SCAPER: variants seen among roughly 807,000 people sequenced by gnomAD.
SCAPER encodes S-phase cyclin A associated protein in the ER.
Under a neutral mutation model 182.2 loss-of-function variants are expected in SCAPER, and 98 were observed. The ratio of observed to expected loss-of-function variants is 0.54; its 90% CI spans 0.46 to 0.64. The LOEUF (loss-of-function observed/expected upper bound fraction) is 0.64. Ranked by LOEUF, SCAPER falls within the 30% of genes least tolerant of loss-of-function variation. The pLI is 0.00. For synonymous variants in SCAPER, 605 were observed against 564.6 expected (o/e 1.07, Z -1.01); for missense variants, 1,432 against 1,690.0 (o/e 0.85, Z 2.68).
intron 27 of SCAPER, 47 bp from the exon 28 acceptor site, chr15:76,381,662 GT>G: frequency 7.0e-7 from 1 of 1,423,906 alleles, no homozygotes. Context: ...CTTAATGGAT[GT>G]TAGCAATTTG....
At chr15:76,471,179 C>T (rs776653683) in intron 25 of SCAPER, 33 bp downstream of exon 25, 2 of 1,513,016 alleles carry the variant, frequency 1.3e-6, no homozygotes, top group Non-Finnish European at 8.9e-7. Flanking sequence ...CAAACCTTAA[C>T]TGCTTCTAAC....
chr15:76,875,877 G>A (rs1023525953), intron 2 of SCAPER, among the ~76,000 whole-genome samples: 2 of 152,210 alleles, frequency 1.3e-5, no homozygotes, highest in African/African-American at 2.4e-5. Flanking sequence ...AGAGCAGGGG[G>A]CGGCGCTGGT....
intron 5 of SCAPER, among the ~76,000 whole-genome samples, chr15:76,807,347 G>A (rs774258171): frequency 2.6e-5 from 4 of 152,038 alleles, no homozygotes; most frequent in Non-Finnish European, 5.9e-5. Context: ...ATTCTATTAT[G>A]TTTATTGATT....
intron 26 of SCAPER, among the ~76,000 whole-genome samples, chr15:76,425,558 C>T (rs774891426): frequency 1.3e-5 from 2 of 152,112 alleles, no homozygotes; most frequent in Admixed American, 6.5e-5. Flanking sequence ...GCAGTGGGTT[C>T]GAACTTCCTC....
intron 15 of SCAPER, among the ~76,000 whole-genome samples, chr15:76,745,305 CA>C (rs2061736450): frequency 6.6e-6 from 1 of 152,010 alleles, no homozygotes; most frequent in Non-Finnish European, 1.5e-5. Context: ...AAAAATTAGC[CA>C]GGCGTGGTGG....
chr15:76,576,874 A>C (rs1400627974), intron 22 of SCAPER: 1 of 152,238 alleles, frequency 6.6e-6, no homozygotes, highest in Non-Finnish European at 1.5e-5. Context: ...AAAGCGGGGA[A>C]TCGCCCATCC....
chr15:76,713,114 T>C (rs1341105315), intron 17 of SCAPER, among the ~76,000 whole-genome samples: 2 of 152,114 alleles, frequency 1.3e-5, no homozygotes, highest in African/African-American at 4.8e-5. Flanking sequence ...ATACGTACCA[T>C]CAATACAGGA....
intron 7 of SCAPER, chr15:76,797,573 A>G (rs1403204312): frequency 6.6e-6 from 1 of 152,198 alleles, no homozygotes; most frequent in Non-Finnish European, 1.5e-5. Flanking sequence ...AGAAAGGAGG[A>G]ACTGACAAGC....
chr15:76,794,670 T>C (rs1199089399), intron 8 of SCAPER, among the ~76,000 whole-genome samples: 1 of 152,238 alleles, frequency 6.6e-6, no homozygotes, highest in Non-Finnish European at 1.5e-5. Context: ...AAACTCATTA[T>C]TACCTATTAT....
chr15:76,717,135 T>C (rs1377161385), intron 17 of SCAPER, among the ~76,000 whole-genome samples: 1 of 64,120 alleles, frequency 1.6e-5, no homozygotes, highest in Non-Finnish European at 3.0e-5. Flanking sequence ...TTCAAAATGA[T>C]GAAAGGGAAA....
chr15:76,812,150 T>C (rs1598866377), intron 5 of SCAPER, among the ~76,000 whole-genome samples: 1 of 151,718 alleles, frequency 6.6e-6, no homozygotes, highest in East Asian at 1.9e-4. Flanking sequence ...CCTGTCTCTA[T>C]TAAAAACACA....
At chr15:76,540,864 T>C (rs1169198875) in intron 23 of SCAPER, among the ~76,000 whole-genome samples, 1 of 152,144 alleles carries the variant, frequency 6.6e-6, no homozygotes, top group Non-Finnish European at 1.5e-5. Context: ...GGCTCACACC[T>C]GTAATCCCAG....
chr15:76,812,483 G>GAA (rs59087455), intron 5 of SCAPER, among the ~76,000 whole-genome samples: 3 of 101,786 alleles, frequency 2.9e-5, no homozygotes, highest in Non-Finnish European at 5.9e-5. Context: ...GTGAGACTCT[G>GAA]AAAAAAAAAA....
chr15:76,367,951 T>C (rs1004259764), intron 29 of SCAPER, among the ~76,000 whole-genome samples: 1 of 152,184 alleles, frequency 6.6e-6, no homozygotes, highest in African/African-American at 2.4e-5. Context: ...GGTGCTATAA[T>C]ATTGAGAGTA....
intron 25 of SCAPER, among the ~76,000 whole-genome samples, chr15:76,461,852 G>A (rs1331110165): frequency 6.6e-6 from 1 of 152,120 alleles, no homozygotes; most frequent in African/African-American, 2.4e-5. Flanking sequence ...TCTTACAGGT[G>A]TTGATATTTT....
chr15:76,698,570 C>T (rs1295445270), intron 20 of SCAPER, among the ~76,000 whole-genome samples: 1 of 152,164 alleles, frequency 6.6e-6, no homozygotes, highest in African/African-American at 2.4e-5. Flanking sequence ...ATTCTGGATA[C>T]TTCCTTCAGG....
intron 21 of SCAPER, among the ~76,000 whole-genome samples, chr15:76,653,116 A>C (rs961176176): frequency 6.6e-6 from 1 of 152,192 alleles, no homozygotes; most frequent in African/African-American, 2.4e-5. Context: ...CTCATTCATA[A>C]TAGCCACACG....
chr15:76,558,882 T>A (rs2046384166), intron 23 of SCAPER, among the ~76,000 whole-genome samples: 1 of 152,174 alleles, frequency 6.6e-6, no homozygotes, highest in Non-Finnish European at 1.5e-5. Context: ...TCATGTCTGA[T>A]ATGATTAGGC....
At chr15:76,765,313 C>T in intron 13 of SCAPER, 24 bp downstream of exon 13, 1 of 1,569,906 alleles carries the variant, frequency 6.4e-7, no homozygotes, top group South Asian at 1.1e-5. Context: ...TGAACCATTT[C>T]AAATTAATTT....
Sources: allele counts gnomAD v4.1 joint callset (sites outside exome capture counted in the v4.1 genomes callset), GRCh38; gene constraint gnomAD v4.1.1; transcripts MANE v1.5; gene names NCBI Gene and HGNC (gene_info 2026-07-23, HGNC 2026-07-21).